The following FBXL13 variants were observed in gnomAD, a reference collection of about 807,000 sequenced individuals.
The protein encoded by FBXL13 is F-box and leucine-rich repeat protein 13.
In FBXL13, 67 loss-of-function variants were observed where a neutral mutation model predicts 83.6. That is an observed-to-expected ratio of 0.80 (90% CI 0.66 to 0.98). FBXL13 has a LOEUF of 0.98. FBXL13 is among the 50% of genes least tolerant of loss of function. The pLI, the probability that FBXL13 is intolerant of heterozygous loss-of-function variation, is 0.00. For missense variants in FBXL13, 822 were observed against 866.5 expected (o/e 0.95, Z 0.64); for synonymous variants, 272 against 299.5 (o/e 0.91, Z 0.95).
At chr7:102,860,172 TTCTC>T (rs952368152) in intron 16 of FBXL13, among the ~76,000 whole-genome samples, 6 of 152,158 alleles carry the variant, frequency 3.9e-5, no homozygotes, top group Admixed American at 3.3e-4. Flanking sequence ...AAATAGAACT[TTCTC>T]TCTCTGGGGA....
exon 8 of FBXL13, chr7:102,963,639 C>G (rs1201317366): frequency 6.2e-7 from 1 of 1,601,354 alleles, no homozygotes; most frequent in Non-Finnish European, 8.5e-7. Context: ...TATCTGGAAT[C>G]ACATTTTTCA....
chr7:102,914,714 C>A (rs529944889), intron 10 of FBXL13, among the ~76,000 whole-genome samples: 1 of 152,150 alleles, frequency 6.6e-6, no homozygotes, highest in Admixed American at 6.5e-5. Flanking sequence ...TTCGACAGAG[C>A]GAGGGGGAAG....
intron 19 of FBXL13, among the ~76,000 whole-genome samples, chr7:102,817,585 C>T (rs752941830): frequency 1.2e-4 from 19 of 152,126 alleles, no homozygotes; most frequent in Non-Finnish European, 1.3e-4. Flanking sequence ...TGTGCAGAAG[C>T]TCTTACACAT....
At chr7:102,944,483 C>T (rs1822089557) in intron 8 of FBXL13, 2 of 1,613,880 alleles carry the variant, frequency 1.2e-6, no homozygotes, top group Non-Finnish European at 1.7e-6. Flanking sequence ...GAAGAATGCC[C>T]CAAAGACAAG....
At chr7:103,003,287 T>G (rs1418531574) in intron 6 of FBXL13, among the ~76,000 whole-genome samples, 5 of 124,450 alleles carry the variant, frequency 4.0e-5, no homozygotes, top group Admixed American at 8.0e-5. Context: ...GGTTTTTTTT[T>G]TTTTTTTTTT....
intron 18 of FBXL13, among the ~76,000 whole-genome samples, chr7:102,831,392 G>A (rs1185513163): frequency 8.6e-6 from 1 of 116,830 alleles, no homozygotes; most frequent in African/African-American, 3.5e-5. Flanking sequence ...TACAGTGCCC[G>A]GGACACACAC....
chr7:103,052,578 T>C (rs1321979760), intron 2 of FBXL13, among the ~76,000 whole-genome samples: 1 of 152,208 alleles, frequency 6.6e-6, no homozygotes, highest in African/African-American at 2.4e-5. Flanking sequence ...CCTTAACAAA[T>C]ATTTTCGTCA....
intron 2 of FBXL13, 141 bp downstream of exon 2, chr7:103,055,503 A>C: frequency 2.7e-6 from 1 of 363,770 alleles, no homozygotes; most frequent in South Asian, 2.4e-5. Context: ...GCGTCTTTGA[A>C]ACTGAAAAGC....
intron 11 of FBXL13, among the ~76,000 whole-genome samples, chr7:102,912,016 G>A (rs867644381): frequency 9.9e-5 from 15 of 152,074 alleles, no homozygotes; most frequent in Non-Finnish European, 1.8e-4. Flanking sequence ...AAGAACCCTG[G>A]GGGAGAAACC....
chr7:102,947,331 T>G (rs530481816), intron 8 of FBXL13, among the ~76,000 whole-genome samples: 2 of 152,304 alleles, frequency 1.3e-5, no homozygotes, highest in East Asian at 3.9e-4. Flanking sequence ...CAGTATAATT[T>G]TTAGAGGCTA....
chr7:103,048,328 G>T (rs1796480856), intron 2 of FBXL13, among the ~76,000 whole-genome samples: 1 of 150,942 alleles, frequency 6.6e-6, no homozygotes, highest in Non-Finnish European at 1.5e-5. Flanking sequence ...TTTTTTAAAG[G>T]CAAAAACCTT....
chr7:102,991,151 T>C (rs79998946), intron 6 of FBXL13, among the ~76,000 whole-genome samples: 4 of 151,674 alleles, frequency 2.6e-5, no homozygotes, highest in African/African-American at 4.8e-5. Flanking sequence ...AGAAAGAAAG[T>C]GAAATTACAT....
At chr7:102,985,535 CT>C (rs1326863791) in intron 6 of FBXL13, among the ~76,000 whole-genome samples, 1 of 152,190 alleles carries the variant, frequency 6.6e-6, no homozygotes, top group African/African-American at 2.4e-5. Context: ...GTGTTCAATA[CT>C]TTTTTTCTAC....
chr7:103,004,179 G>T (rs1055190374), intron 6 of FBXL13, among the ~76,000 whole-genome samples: 1 of 152,162 alleles, frequency 6.6e-6, no homozygotes, highest in African/African-American at 2.4e-5. Context: ...AGCTTGTTCT[G>T]CTTTTTCTAA....
intron 6 of FBXL13, among the ~76,000 whole-genome samples, chr7:103,021,333 C>G (rs193283190): frequency 6.6e-6 from 1 of 152,234 alleles, no homozygotes; most frequent in African/African-American, 2.4e-5. Flanking sequence ...AAAATTAATT[C>G]AAGATGAATT....
intron 11 of FBXL13, among the ~76,000 whole-genome samples, chr7:102,909,337 C>T (rs1401174785): frequency 6.6e-6 from 1 of 151,966 alleles, no homozygotes; most frequent in Non-Finnish European, 1.5e-5. Flanking sequence ...AATTGCCATA[C>T]AAGAGTCAAG....
intron 10 of FBXL13, among the ~76,000 whole-genome samples, chr7:102,924,048 C>T (rs1206201413): frequency 5.9e-5 from 9 of 151,726 alleles, no homozygotes; most frequent in African/African-American, 2.2e-4. Flanking sequence ...GAGGCCAGCC[C>T]GACCAACATA....
chr7:102,851,116 T>G (rs2129450999), intron 17 of FBXL13, among the ~76,000 whole-genome samples: 1 of 152,264 alleles, frequency 6.6e-6, no homozygotes, highest in Middle Eastern at 3.4e-3. Flanking sequence ...CTCTTGGCCT[T>G]TGAGGTAATT....
At chr7:103,025,180 G>C (rs1403482903) in exon 6 of FBXL13, 4 of 1,605,734 alleles carry the variant, frequency 2.5e-6, no homozygotes, top group Non-Finnish European at 3.4e-6. Context: ...CAGCTCTTTT[G>C]AGTATTAACC....
Sources: gnomAD v4.1 joint callset for allele counts (sites outside exome capture counted in the v4.1 genomes callset) on GRCh38, gnomAD v4.1.1 for gene constraint, MANE v1.5 for transcripts, NCBI Gene and HGNC (gene_info 2026-07-23, HGNC 2026-07-21) for gene names.